KIF18A: variants seen among roughly 807,000 people sequenced by gnomAD.
KIF18A encodes the protein kinesin-like protein KIF18A.
Under a neutral mutation model 103.3 loss-of-function variants are expected in KIF18A, and 67 were observed. The observed-to-expected ratio is 0.65, with a 90% CI of 0.53 to 0.79. KIF18A has a LOEUF of 0.79. KIF18A is among the 30% of genes least tolerant of loss of function. The pLI is 0.00. For missense variants in KIF18A, 1,032 were observed against 1,062.5 expected, an observed-to-expected ratio of 0.97 and a Z score of 0.40; for synonymous variants, 367 against 355.5, an observed-to-expected ratio of 1.03 and a Z score of -0.36.
intron 1 of KIF18A, among the ~76,000 whole-genome samples, chr11:28,102,286 C>T (rs906390255): frequency 1.1e-4 from 16 of 152,168 alleles, no homozygotes; most frequent in African/African-American, 3.1e-4. Context: ...TTAACCTGAA[C>T]ATTCCTTTCT....
At chr11:28,043,913 C>A (rs1850596299) in intron 13 of KIF18A, among the ~76,000 whole-genome samples, 7 of 148,026 alleles carry the variant, frequency 4.7e-5, no homozygotes, top group African/African-American at 2.5e-5. Flanking sequence ...AATAAATGAC[C>A]AAAAAAAAAA....
intron 10 of KIF18A, among the ~76,000 whole-genome samples, chr11:28,071,648 G>T (rs961224269): frequency 1.6e-4 from 24 of 151,690 alleles, no homozygotes; most frequent in African/African-American, 5.8e-4. Flanking sequence ...AAAGCTCTTT[G>T]AAGTCCTAAA....
chr11:28,104,233 T>TAG (rs1851479048), intron 1 of KIF18A, among the ~76,000 whole-genome samples: 1 of 152,172 alleles, frequency 6.6e-6, no homozygotes, highest in African/African-American at 2.4e-5. Flanking sequence ...TTGCATGTCA[T>TAG]TTACCTGCTC....
At position 28,069,264 on chromosome 11, in the gene KIF18A, G is replaced by T. The variant is rs781371549; in HGVS notation, c.1585C>A (p.Pro529Thr). 6.2e-7 allele frequency: 1 copy of T among 1,611,506 alleles called. No homozygotes were observed. ...ACATACAGAGATATTTGTACCTTTG[G>T]AATATGACCGTTTTGACTTAAGAGT... The part of the protein sequence containing the change: ...MGLLSQNGHI[P>T]KELKKDLHCH... Residue 529 changes from proline (P) to threonine (T), a missense_variant, in exon 11 of 17, where the codon CCA becomes ACA. Transcript: ENST00000263181.
intron 15 of KIF18A, among the ~76,000 whole-genome samples, chr11:28,028,102 T>A (rs1192831509): frequency 2.0e-5 from 3 of 151,990 alleles, no homozygotes; most frequent in South Asian, 4.1e-4. Flanking sequence ...AACCATATGA[T>A]CATTTCAATA....
intron 2 of KIF18A, among the ~76,000 whole-genome samples, chr11:28,095,524 T>C (rs1047767427): frequency 2.0e-5 from 3 of 152,212 alleles, no homozygotes; most frequent in Non-Finnish European, 2.9e-5. Flanking sequence ...AATTGAGTGC[T>C]CCACCAAGGC....
chr11:28,032,972 G>A (rs1486978477), intron 15 of KIF18A, among the ~76,000 whole-genome samples: 1 of 151,672 alleles, frequency 6.6e-6, no homozygotes, highest in Non-Finnish European at 1.5e-5. Flanking sequence ...TATCTGACAA[G>A]GGATTAATAA....
chr11:28,071,275 A>ATG (rs1851009824), intron 10 of KIF18A, among the ~76,000 whole-genome samples: 1 of 152,138 alleles, frequency 6.6e-6, no homozygotes. Flanking sequence ...AGGCTAAATG[A>ATG]TGTGTAACAT....
intron 1 of KIF18A, among the ~76,000 whole-genome samples, chr11:28,100,547 A>C (rs1255296771): frequency 9.8e-6 from 1 of 101,710 alleles, no homozygotes; most frequent in Non-Finnish European, 2.2e-5. Context: ...GGAGGAGAAA[A>C]ATGGTGTGAG....
chr11:28,062,563 T>A, intron 11 of KIF18A, 47 bp from the exon 12 acceptor site: 2 of 1,450,512 alleles, frequency 1.4e-6, no homozygotes, highest in Non-Finnish European at 9.3e-7. Flanking sequence ...CTAAGAATAT[T>A]GAAATTAAAT....
intron 14 of KIF18A, among the ~76,000 whole-genome samples, chr11:28,035,981 T>A (rs530912867): frequency 6.6e-6 from 1 of 151,614 alleles, no homozygotes; most frequent in African/African-American, 2.4e-5. Flanking sequence ...ACTAAACATA[T>A]CTTAAGGTCT....
chr11:28,095,783 G>A (rs1851360907), intron 2 of KIF18A, among the ~76,000 whole-genome samples: 1 of 152,018 alleles, frequency 6.6e-6, no homozygotes. Flanking sequence ...GCTAAGGTGG[G>A]AGGACTGCTT....
chr11:28,027,889 C>T (rs1460331127), intron 15 of KIF18A, among the ~76,000 whole-genome samples: 1 of 151,880 alleles, frequency 6.6e-6, no homozygotes, highest in Non-Finnish European at 1.5e-5. Flanking sequence ...GACAAGGACA[C>T]ATCAAAACAA....
At chr11:28,068,192 G>A (rs747376175) in intron 11 of KIF18A, among the ~76,000 whole-genome samples, 3 of 151,972 alleles carry the variant, frequency 2.0e-5, no homozygotes, top group Non-Finnish European at 2.9e-5. Flanking sequence ...AACACTGCAC[G>A]TTCTCACTCA....
At chr11:28,026,388 G>A (rs1043684723) in intron 15 of KIF18A, among the ~76,000 whole-genome samples, 2 of 151,550 alleles carry the variant, frequency 1.3e-5, no homozygotes, top group Admixed American at 6.6e-5. Flanking sequence ...ACTCTGAAGC[G>A]CATGTAACTT....
In KIF18A at chr11:28,098,196, G is replaced by A. The variant is rs975614914; in HGVS notation, c.-46-203C>T. On this transcript the variant is annotated intron_variant, in intron 1 of 16. Transcript: ENST00000263181. ...CACACATACACACATATGCACTTAA[G>A]TACCCTAAAACAAACAATTAAATGG... 5.9e-5 allele frequency among the ~76,000 whole-genome samples: 9 copies of A among 151,692 alleles called. 1 individual carries two copies. The highest frequency in any genetic ancestry group is 5.9e-4 in the Admixed American group (9 of 15,192).
At chr11:28,096,238 G>A (rs903613587) in intron 2 of KIF18A, among the ~76,000 whole-genome samples, 8 of 148,726 alleles carry the variant, frequency 5.4e-5, no homozygotes, top group African/African-American at 7.4e-5. Flanking sequence ...AATTACATAT[G>A]GTAAACACCC....
Position 28,088,519 on chromosome 11 carries a change from C to A in KIF18A, c.897+5G>T. 6.2e-7 allele frequency: 1 copy of A among 1,604,276 alleles called. No individual in the cohort carries two copies. The highest frequency in any genetic ancestry group is 8.5e-7 in the Non-Finnish European group (1 of 1,171,438). On this transcript the variant is annotated splice_donor_5th_base_variant and intron_variant, in intron 6 of 16. Coordinates refer to ENST00000263181, the MANE Select transcript of KIF18A (RefSeq NM_031217.4). ...CTATTTAACAAATAAACATATAATGCCTACCTTTGAATCTGCTAAGGCATT... is the reference window on the plus strand; with the variant it reads ...CTATTTAACAAATAAACATATAATGACTACCTTTGAATCTGCTAAGGCATT...
chr11:28,039,946 A>G (rs1423340960), intron 13 of KIF18A, among the ~76,000 whole-genome samples: 1 of 151,772 alleles, frequency 6.6e-6, no homozygotes, highest in African/African-American at 2.4e-5. Flanking sequence ...CAGAAGGCAG[A>G]TGGTCAATTC....
Sources: gnomAD v4.1 joint callset for allele counts (sites outside exome capture counted in the v4.1 genomes callset) on GRCh38, gnomAD v4.1.1 for gene constraint, MANE v1.5 for transcripts, NCBI Gene and HGNC (gene_info 2026-07-23, HGNC 2026-07-21) for gene names.